The following RASSF8 variants were observed in gnomAD, a reference collection of about 807,000 sequenced individuals.
RASSF8 encodes the protein ras association domain-containing protein 8.
RASSF8 carries 22 observed loss-of-function variants against 48.5 expected under a neutral mutation model. The observed-to-expected ratio is 0.45, with a 90% CI of 0.32 to 0.65. The LOEUF (loss-of-function observed/expected upper bound fraction) is 0.65, where lower values mean the gene tolerates loss of function less well. Ranked by LOEUF, RASSF8 falls within the 30% of genes least tolerant of loss-of-function variation. The probability of loss-of-function intolerance (pLI) is 0.03; values close to 1 mark genes in which losing one functional copy is unlikely to be tolerated. For synonymous variants in RASSF8, 127 were observed against 171.5 expected (o/e 0.74, Z 2.03); for missense variants, 418 against 489.2 (o/e 0.85, Z 1.37).
chr12:25,958,542 G>A (rs1941134814), upstream of RASSF8: 1 of 149,776 alleles, frequency 6.7e-6, no homozygotes, highest in Non-Finnish European at 1.5e-5. Flanking sequence ...AGCGGCGGCT[G>A]AAACCCGAGC....
At position 25,959,011 on chromosome 12, in the gene RASSF8, G is replaced by A. The variant is rs1314775608; in HGVS notation, c.-340G>A. On this transcript the variant is annotated 5_prime_UTR_variant, in exon 1 of 6. Coordinates refer to ENST00000689635, the MANE Select transcript of RASSF8 (RefSeq NM_001394098.1). ...AGCCGGTGCGGGGCGCGCGGCGCGG[G>A]GAGCGCCGGGGAGTGCCGGGGAGTG... 2.1e-5 allele frequency: 3 copies of A among 143,986 alleles called. No homozygotes were observed. Among genetic ancestry groups the A allele is most frequent in the Non-Finnish European group, 4.5e-5 (3 of 65,940 alleles). 8.9% of individuals were successfully genotyped at this position (143,986 alleles called of 1,614,324 possible).
intron 1 of RASSF8, among the ~76,000 whole-genome samples, chr12:25,966,276 A>T (rs1941357749): frequency 6.6e-6 from 1 of 152,204 alleles, no homozygotes; most frequent in Non-Finnish European, 1.5e-5. Context: ...TTTTAAAGAC[A>T]GGGTCTTGCT....
At position 26,071,661 on chromosome 12, in the gene RASSF8, T is replaced by C. The variant is rs1944003445; in HGVS notation, c.*2843T>C. The C allele has an allele frequency of 3.0e-6, 3 of 984,344 alleles. No homozygotes were observed. The South Asian group carries it at 1.4e-4, about 46-fold the overall frequency. 61.0% of individuals were successfully genotyped at this position (984,344 alleles called of 1,614,324 possible). A position where few individuals can be genotyped will look rare whatever the true frequency, so the allele number is the denominator to read the frequency against. On this transcript the variant is annotated 3_prime_UTR_variant, in exon 6 of 6. Coordinates refer to ENST00000689635, the MANE Select transcript of RASSF8 (RefSeq NM_001394098.1). ...TTTTTTGTCTTGATGCACAGGGACT[T>C]TTTTATAATATGAGACTTCAGTTGG... is the stretch of plus-strand genomic sequence containing the variant.
At chr12:25,967,907 G>C (rs973503799) in intron 1 of RASSF8, among the ~76,000 whole-genome samples, 1 of 152,210 alleles carries the variant, frequency 6.6e-6, no homozygotes, top group African/African-American at 2.4e-5. Flanking sequence ...GCAAGGATGG[G>C]AGAAGAGCTC....
chr12:26,077,009 T>C (rs1028600396), downstream of RASSF8, among the ~76,000 whole-genome samples: 2 of 152,266 alleles, frequency 1.3e-5, no homozygotes, highest in Non-Finnish European at 2.9e-5. Flanking sequence ...ATTTCTCTGA[T>C]GACCAGTGAT....
At chr12:25,990,196 A>AT (rs1441030527) in intron 1 of RASSF8, among the ~76,000 whole-genome samples, 2 of 152,202 alleles carry the variant, frequency 1.3e-5, no homozygotes, top group Non-Finnish European at 1.5e-5. Context: ...AGTAAAAAAA[A>AT]TTACAGCCAT....
intron 1 of RASSF8, among the ~76,000 whole-genome samples, chr12:25,985,538 A>G (rs539286614): frequency 1.3e-5 from 2 of 152,374 alleles, no homozygotes; most frequent in South Asian, 2.1e-4. Context: ...GGGTAGGCAG[A>G]TGGCAGCATT....
chr12:26,038,737 C>T (rs1233708880), intron 2 of RASSF8, among the ~76,000 whole-genome samples: 7 of 151,972 alleles, frequency 4.6e-5, no homozygotes, highest in Non-Finnish European at 1.0e-4. Context: ...TCCCAGTGCA[C>T]AAAACTAGGA....
At chr12:25,959,263 G>C (rs1030926962) in intron 1 of RASSF8, 115 bp downstream of exon 1, 1 of 152,340 alleles carries the variant, frequency 6.6e-6, no homozygotes, top group Admixed American at 6.5e-5. Flanking sequence ...CCGCACCTTG[G>C]GTACCTCGTC....
chr12:25,999,208 G>A (rs1301325304), intron 2 of RASSF8, among the ~76,000 whole-genome samples: 1 of 152,090 alleles, frequency 6.6e-6, no homozygotes, highest in Non-Finnish European at 1.5e-5. Context: ...CCTTTAGAGG[G>A]CTCAATAATT....
intron 2 of RASSF8, among the ~76,000 whole-genome samples, chr12:25,995,374 A>G (rs563015978): frequency 4.1e-4 from 62 of 152,322 alleles, no homozygotes; most frequent in African/African-American, 1.0e-3. Flanking sequence ...CACTAAAAGC[A>G]TCATAAAATA....
intron 1 of RASSF8, among the ~76,000 whole-genome samples, chr12:25,964,262 G>C (rs1235274538): frequency 1.3e-5 from 2 of 151,418 alleles, no homozygotes; most frequent in Non-Finnish European, 2.9e-5. Flanking sequence ...ACTTGCTATA[G>C]GATTTAGAAA....
At chr12:25,963,061 G>A (rs1445744324) in intron 1 of RASSF8, among the ~76,000 whole-genome samples, 1 of 152,104 alleles carries the variant, frequency 6.6e-6, no homozygotes, top group African/African-American at 2.4e-5. Flanking sequence ...AGCGTCACAT[G>A]ATAACACGTT....
intron 1 of RASSF8, among the ~76,000 whole-genome samples, chr12:25,970,272 C>CTG (rs1350505062): frequency 6.6e-6 from 1 of 152,150 alleles, no homozygotes; most frequent in Non-Finnish European, 1.5e-5. Context: ...CTGCAGTGCT[C>CTG]TGTGCCCTGA....
chr12:26,065,948 T>G (rs1943864145), intron 4 of RASSF8, among the ~76,000 whole-genome samples: 1 of 152,186 alleles, frequency 6.6e-6, no homozygotes, highest in Non-Finnish European at 1.5e-5. Context: ...ATCACTCAAC[T>G]TACATTTCTT....
intron 2 of RASSF8, among the ~76,000 whole-genome samples, chr12:26,005,394 C>T (rs1942366143): frequency 6.6e-6 from 1 of 152,196 alleles, no homozygotes; most frequent in African/African-American, 2.4e-5. Flanking sequence ...GAAACTGCAA[C>T]TGATTCTACT....
At chr12:26,008,612 A>G (rs1269095392) in intron 2 of RASSF8, among the ~76,000 whole-genome samples, 4 of 152,208 alleles carry the variant, frequency 2.6e-5, no homozygotes, top group Non-Finnish European at 2.9e-5. Context: ...GTAGAAATAT[A>G]GTGATTTTTA....
chr12:26,028,041 G>A (rs1942953130), intron 2 of RASSF8, among the ~76,000 whole-genome samples: 1 of 152,190 alleles, frequency 6.6e-6, no homozygotes, highest in African/African-American at 2.4e-5. Flanking sequence ...TGCAGCATCG[G>A]GGTCTTGGTG....
chr12:26,003,109 C>T (rs1555162870), intron 2 of RASSF8, among the ~76,000 whole-genome samples: 1 of 152,110 alleles, frequency 6.6e-6, no homozygotes, highest in Non-Finnish European at 1.5e-5. Context: ...GTGTCCTTTC[C>T]TCATGTATGG....
Sources: gnomAD v4.1 joint callset for allele counts (sites outside exome capture counted in the v4.1 genomes callset) on GRCh38, gnomAD v4.1.1 for gene constraint, MANE v1.5 for transcripts, NCBI Gene and HGNC (gene_info 2026-07-23, HGNC 2026-07-21) for gene names.